The following MATN2 variants were observed in gnomAD, a reference collection of about 807,000 sequenced individuals.
MATN2 encodes matrilin-2.
Under a neutral mutation model 103.2 loss-of-function variants are expected in MATN2, and 69 were observed. The observed-to-expected ratio is 0.67, with a 90% CI of 0.55 to 0.82. The LOEUF (loss-of-function observed/expected upper bound fraction) is 0.82, where lower values mean the gene tolerates loss of function less well. Ranked by LOEUF, MATN2 falls within the 40% of genes least tolerant of loss-of-function variation. The pLI is 0.00. For synonymous variants in MATN2, 429 were observed against 450.2 expected (o/e 0.95, Z 0.60); for missense variants, 1,023 against 1,211.5 (o/e 0.84, Z 2.31).
chr8:97,891,787 C>T (rs1818640976), intron 2 of MATN2, among the ~76,000 whole-genome samples: 1 of 152,136 alleles, frequency 6.6e-6, no homozygotes, highest in African/African-American at 2.4e-5. Flanking sequence ...AATGTGTTAA[C>T]AAACTATATA....
chr8:97,902,955 G>A (rs1563656326), intron 2 of MATN2, among the ~76,000 whole-genome samples: 1 of 152,190 alleles, frequency 6.6e-6, no homozygotes. Context: ...GGACCCAGCT[G>A]TTTGCAGGAG....
intron 1 of MATN2, among the ~76,000 whole-genome samples, chr8:97,884,725 C>T (rs1449291934): frequency 6.6e-6 from 1 of 152,078 alleles, no homozygotes; most frequent in Non-Finnish European, 1.5e-5. Flanking sequence ...GAGCCAAGAT[C>T]GTGCCACTGC....
intron 2 of MATN2, among the ~76,000 whole-genome samples, chr8:97,898,899 C>A (rs2130021047): frequency 6.9e-6 from 1 of 145,466 alleles, no homozygotes; most frequent in East Asian, 1.9e-4. Context: ...CAAGCACGCA[C>A]CACCATATCC....
At chr8:97,894,582 A>C (rs970564130) in intron 2 of MATN2, among the ~76,000 whole-genome samples, 2 of 151,592 alleles carry the variant, frequency 1.3e-5, no homozygotes, top group African/African-American at 4.8e-5. Context: ...TTGGCCTCCC[A>C]AAGTGTTGGG....
Position 97,931,652 on chromosome 8 carries a change from T to G in MATN2, c.712+130T>G. On this transcript the variant is annotated intron_variant, in intron 3 of 18. Transcript: ENST00000254898. This position sits in a 1 kb window ranked among gnomAD's most constrained non-coding sequence, Gnocchi z 4.1. ...AATAGGTTTTCAACAAAGGCCAAGA[T>G]AAACACAACGTGCTCCAGGGGCTTA... 1 of 835,144 alleles carries G rather than the reference T, an allele frequency of 1.2e-6. No individual in the cohort carries two copies. Among genetic ancestry groups the G allele is most frequent in the Non-Finnish European group, 1.8e-6 (1 of 550,716 alleles). The allele number at this position is 835,144 out of a possible 1,614,324, so 51.7% of individuals were successfully genotyped here.
At chr8:97,941,659 C>A in intron 3 of MATN2, 118 bp from the exon 4 acceptor site, 1 of 1,186,092 alleles carries the variant, frequency 8.4e-7, no homozygotes, top group South Asian at 1.4e-5. Flanking sequence ...GGGACTGCAG[C>A]TTATTTCTCT....
intron 5 of MATN2, among the ~76,000 whole-genome samples, chr8:97,975,318 C>A (rs915553051): frequency 4.6e-5 from 7 of 152,178 alleles, no homozygotes; most frequent in African/African-American, 1.7e-4. Flanking sequence ...AATTTGGATA[C>A]TCTATTCTAT....
At chr8:97,948,521 C>T (rs1810826200) in intron 4 of MATN2, among the ~76,000 whole-genome samples, 2 of 152,116 alleles carry the variant, frequency 1.3e-5, no homozygotes, top group African/African-American at 4.8e-5. Flanking sequence ...TGGAACAGAA[C>T]AGAATCGAGA....
rs181639683 is a variant in MATN2, at chr8:98,033,655, G to C, written c.2811G>C (p.Gln937His). ...ACGAAGAAGTAAGAAAATTAACACAGCGCTATATCCTTTTCTTGCATTATG... is the reference window on the plus strand; with the variant it reads ...ACGAAGAAGTAAGAAAATTAACACACCGCTATATCCTTTTCTTGCATTATG... ...LANEEVRKLT[Q>H]RLEEMTQRME... Residue 937 changes from glutamine (Q) to histidine (H), a missense_variant, in exon 18 of 19, where the codon CAG becomes CAC. By Grantham distance (24) the Gln-to-His change is conservative (BLOSUM62 0). Transcript: ENST00000254898. 627 of 1,587,982 alleles carry C rather than the reference G, an allele frequency of 3.9e-4. 1 individual carries two copies. Among genetic ancestry groups the C allele is most frequent in the Non-Finnish European group, 4.8e-4 (558 of 1,161,770 alleles).
chr8:97,944,616 C>A (rs1248305478), intron 4 of MATN2, among the ~76,000 whole-genome samples: 1 of 152,196 alleles, frequency 6.6e-6, no homozygotes, highest in Non-Finnish European at 1.5e-5. Flanking sequence ...TCTCAGTTTC[C>A]TCGCCCATAA....
Position 98,035,900 on chromosome 8 carries a change from G to GA in MATN2, c.*195dup, listed in dbSNP as rs1360581615. On this transcript the variant is annotated 3_prime_UTR_variant, in exon 19 of 19. Transcript: ENST00000254898. ...CACTAACTTGTATAAATTTATCTAGGAAAAAAATCCTTCAGAATTCTAAGA... is the reference window on the plus strand; with the variant it reads ...CACTAACTTGTATAAATTTATCTAGGAAAAAAAATCCTTCAGAATTCTAAGA... 2 of 407,798 alleles carry GA rather than the reference G, an allele frequency of 4.9e-6. No homozygotes were observed. The highest frequency in any genetic ancestry group is 2.1e-5 in the African/African-American group (1 of 48,648). 25.3% of individuals were successfully genotyped at this position (407,798 alleles called of 1,614,324 possible).
chr8:97,937,583 CTTTTTTT>C (rs376203275), intron 3 of MATN2, among the ~76,000 whole-genome samples: 15 of 89,814 alleles, frequency 1.7e-4, no homozygotes, highest in African/African-American at 6.4e-4. Flanking sequence ...TCCCCACTAA[CTTTTTTT>C]TTTTTTTTTT....
At chr8:98,022,225 G>A (rs1813616747) in intron 13 of MATN2, among the ~76,000 whole-genome samples, 1 of 152,062 alleles carries the variant, frequency 6.6e-6, no homozygotes, top group Non-Finnish European at 1.5e-5. Flanking sequence ...AAAAAAGCAT[G>A]GTGCTGAATG....
Position 97,994,620 on chromosome 8 carries a change from T to A in MATN2, c.1204+18T>A. 6.2e-7 allele frequency: 1 copy of A among 1,606,456 alleles called. No individual in the cohort carries two copies. ...CTGCAGAAGTAAGTTACAGTGGGAGTTGGAGAAGGGCTTGTTCTGCTAAAT... is the reference window on the plus strand; with the variant it reads ...CTGCAGAAGTAAGTTACAGTGGGAGATGGAGAAGGGCTTGTTCTGCTAAAT... On this transcript the variant is annotated intron_variant, in intron 7 of 18. Transcript: ENST00000254898.
chr8:97,972,874 T>C (rs1277261440), intron 5 of MATN2, among the ~76,000 whole-genome samples: 1 of 152,210 alleles, frequency 6.6e-6, no homozygotes, highest in Non-Finnish European at 1.5e-5. Flanking sequence ...TAGGCATAAA[T>C]GACTGAGAAC....
rs747457055 is a variant in MATN2 at position 98,016,589 on chromosome 8, A to G, written c.1623A>G (p.Val541=). The G allele has an allele frequency of 1.2e-6, 2 of 1,611,602 alleles. No homozygotes were observed. The highest frequency in any genetic ancestry group is 1.7e-6 in the Non-Finnish European group (2 of 1,178,790). The change falls in exon 11 of 19, where the codon GTA becomes GTG. Residue 541 remains valine, a synonymous_variant. Transcript: ENST00000254898. ...LGDHGCEHSC[V]SSEDSFVCQC... Reference sequence around the variant, plus strand: ...ACCACGGTTGTGAACATTCGTGTGTAAGCAGTGAAGATTCGTTTGTGTGCC... The same window carrying G: ...ACCACGGTTGTGAACATTCGTGTGTGAGCAGTGAAGATTCGTTTGTGTGCC...
At chr8:97,997,243 G>A (rs1170086439) in intron 7 of MATN2, among the ~76,000 whole-genome samples, 1 of 152,226 alleles carries the variant, frequency 6.6e-6, no homozygotes, top group Admixed American at 6.5e-5. Context: ...TGAAGCCCAC[G>A]GGTTCGACTG....
rs58985201 is a variant in MATN2 at position 97,992,745 on chromosome 8, C to CAAAAAAAAAAAAAAAAAAAAAAA, written c.1082-1732_1082-1710dup. On this transcript the variant is annotated intron_variant, in intron 6 of 18. Transcript: ENST00000254898. ...TGGGTGTTAGAGTGAGACTCCATCT[C>CAAAAAAAAAAAAAAAAAAAAAAA]AAAAAAAAAAAAAAAAAAAAAAAAA... 1.0e-4 allele frequency among the ~76,000 whole-genome samples: 5 copies of CAAAAAAAAAAAAAAAAAAAAAAA among 49,578 alleles called. 1 individual carries two copies. Among genetic ancestry groups the CAAAAAAAAAAAAAAAAAAAAAAA allele is most frequent in the African/African-American group, 4.5e-4 (5 of 11,018 alleles). The allele number at this position is 49,578 out of a possible 152,430, so 32.5% of individuals were successfully genotyped here. A position where few individuals can be genotyped will look rare whatever the true frequency, so the allele number is the denominator to read the frequency against.
chr8:97,908,748 C>T (rs1054116289), intron 2 of MATN2, among the ~76,000 whole-genome samples: 3 of 152,170 alleles, frequency 2.0e-5, no homozygotes, highest in Non-Finnish European at 4.4e-5. Context: ...TTTCCTGCCT[C>T]AGTCTCCCAA....
Sources: gnomAD v4.1 joint callset for allele counts (sites outside exome capture counted in the v4.1 genomes callset) on GRCh38, gnomAD v4.1.1 for gene constraint, Gnocchi (gnomAD v3.1) non-coding constraint, MANE v1.5 for transcripts, NCBI Gene and HGNC (gene_info 2026-07-23, HGNC 2026-07-21) for gene names.